The following BBS9 variants were observed in gnomAD, a reference collection of about 807,000 sequenced individuals.
BBS9 encodes the protein protein PTHB1.
A neutral mutation model predicts 117.7 loss-of-function variants in BBS9; 89 were observed. That is an observed-to-expected ratio of 0.76 (90% CI 0.64 to 0.90). BBS9 has a LOEUF of 0.90. BBS9 is among the 40% of genes least tolerant of loss of function. BBS9 has a pLI of 0.00. For synonymous variants in BBS9, 379 were observed against 370.9 expected, an observed-to-expected ratio of 1.02 and a Z score of -0.25; for missense variants, 982 against 1,042.2, an observed-to-expected ratio of 0.94 and a Z score of 0.80.
intron 19 of BBS9, among the ~76,000 whole-genome samples, chr7:33,395,656 A>T (rs1584643716): frequency 6.6e-6 from 1 of 152,188 alleles, no homozygotes; most frequent in African/African-American, 2.4e-5. Flanking sequence ...TTAAATAGAG[A>T]TCCTGTGGTT....
At chr7:33,529,036 C>T (rs958724703) in intron 20 of BBS9, among the ~76,000 whole-genome samples, 6 of 152,188 alleles carry the variant, frequency 3.9e-5, no homozygotes, top group Admixed American at 3.9e-4. Context: ...AGCTGTGGCT[C>T]TCTGGTCTCT....
At chr7:33,487,915 A>G (rs1237934315) in intron 19 of BBS9, among the ~76,000 whole-genome samples, 1 of 152,220 alleles carries the variant, frequency 6.6e-6, no homozygotes, top group Non-Finnish European at 1.5e-5. Flanking sequence ...TAGCCTCTTA[A>G]TCACAGGGAA....
intron 10 of BBS9, 97 bp from the exon 11 acceptor site, chr7:33,340,800 T>A (rs1816355278): frequency 1.0e-6 from 1 of 959,332 alleles, no homozygotes; most frequent in East Asian, 2.7e-5. Flanking sequence ...GTTTATGGGG[T>A]TTTTTTTATA....
At chr7:33,351,945 T>A (rs988448472) in intron 14 of BBS9, 1 of 155,452 alleles carries the variant, frequency 6.4e-6, no homozygotes, top group Non-Finnish European at 1.4e-5. Flanking sequence ...AAAGAATCAA[T>A]TGGGAAAGGG....
rs1009094609 is a variant in BBS9, at chr7:33,318,188, C to T, written c.1017-18253C>T. Among the ~76,000 whole-genome samples the T allele has an allele frequency of 4.6e-5, 7 of 152,314 alleles. No homozygotes were observed. The South Asian group carries it at 1.0e-3, about 23-fold the overall frequency. On this transcript the variant is annotated intron_variant, in intron 9 of 22. Coordinates refer to ENST00000242067, the MANE Select transcript of BBS9 (RefSeq NM_198428.3). ...ACCACCTTTAATGGAGTCTAAAGAG[C>T]CTGAATAATTTAACCTTTTGTGATT...
At chr7:33,136,843 G>A (rs1191140979) in intron 1 of BBS9, among the ~76,000 whole-genome samples, 1 of 152,152 alleles carries the variant, frequency 6.6e-6, no homozygotes, top group Non-Finnish European at 1.5e-5. Flanking sequence ...AATGAGGTGG[G>A]AAGTATCCTC....
chr7:33,207,048 A>C (rs1787063432), intron 5 of BBS9, among the ~76,000 whole-genome samples: 1 of 152,152 alleles, frequency 6.6e-6, no homozygotes, highest in Non-Finnish European at 1.5e-5. Context: ...CCTGTCAAGA[A>C]TAGGTGATAT....
intron 1 of BBS9, among the ~76,000 whole-genome samples, chr7:33,145,537 A>G (rs142741869): frequency 1.3e-3 from 196 of 152,266 alleles, no homozygotes; most frequent in African/African-American, 4.3e-3. Flanking sequence ...TTGCCTTTCT[A>G]TAACTAACAT....
At chr7:33,208,193 TATTC>T (rs1253632653) in intron 5 of BBS9, among the ~76,000 whole-genome samples, 10 of 152,332 alleles carry the variant, frequency 6.6e-5, no homozygotes, top group African/African-American at 2.2e-4. Context: ...TGCCATCCCC[TATTC>T]AGTATTTATA....
At chr7:33,307,409 A>G (rs184143647) in intron 9 of BBS9, among the ~76,000 whole-genome samples, 1 of 152,228 alleles carries the variant, frequency 6.6e-6, no homozygotes, top group African/African-American at 2.4e-5. Context: ...AGAATTTCAA[A>G]AAAGTTTCTT....
chr7:33,565,927 A>C (rs1156716075), intron 21 of BBS9, among the ~76,000 whole-genome samples: 1 of 147,832 alleles, frequency 6.8e-6, no homozygotes, highest in East Asian at 2.0e-4. Context: ...TTATACAGGT[A>C]CAAGGTGAGA....
At chr7:33,264,783 C>A (rs1193335307) in intron 7 of BBS9, among the ~76,000 whole-genome samples, 1 of 152,054 alleles carries the variant, frequency 6.6e-6, no homozygotes, top group Non-Finnish European at 1.5e-5. Context: ...ATAATGTGTA[C>A]TTTTCTTTCT....
At chr7:33,180,648 C>T (rs943203427) in intron 5 of BBS9, among the ~76,000 whole-genome samples, 2 of 152,224 alleles carry the variant, frequency 1.3e-5, no homozygotes, top group East Asian at 1.9e-4. Context: ...AGCCACTGCA[C>T]CTGGCCGAGA....
chr7:33,581,070 GTATTTT>G, intron 21 of BBS9, among the ~76,000 whole-genome samples: 1 of 146,054 alleles, frequency 6.8e-6, no homozygotes, highest in Non-Finnish European at 1.5e-5. Flanking sequence ...TATTTTGTGT[GTATTTT>G]TGTGTGTGTG....
At chr7:33,274,894 C>T (rs1316909029) in intron 9 of BBS9, among the ~76,000 whole-genome samples, 1 of 149,196 alleles carries the variant, frequency 6.7e-6, no homozygotes, top group Non-Finnish European at 1.5e-5. Flanking sequence ...GCTTGGGAGG[C>T]TGAGGCAGGA....
chr7:33,524,882 A>T (rs1450036445), intron 20 of BBS9, among the ~76,000 whole-genome samples: 1 of 152,184 alleles, frequency 6.6e-6, no homozygotes, highest in East Asian at 1.9e-4. Context: ...TCTTGTGGGC[A>T]TTTAGTGCTA....
chr7:33,594,021 A>G (rs1862333446), intron 21 of BBS9, among the ~76,000 whole-genome samples: 1 of 152,154 alleles, frequency 6.6e-6, no homozygotes, highest in South Asian at 2.1e-4. Context: ...GACACCTATC[A>G]TTATTCAAGT....
intron 1 of BBS9, among the ~76,000 whole-genome samples, chr7:33,143,009 G>T (rs555306338): frequency 6.6e-6 from 1 of 151,262 alleles, no homozygotes; most frequent in Non-Finnish European, 1.5e-5. Flanking sequence ...TCGCTCTGTC[G>T]CCCAGGCAGG....
chr7:33,146,436 G>A (rs1324277842), intron 2 of BBS9, 72 bp downstream of exon 2: 15 of 1,238,078 alleles, frequency 1.2e-5, no homozygotes, highest in East Asian at 9.4e-5. Flanking sequence ...CACGGTGGCC[G>A]ACTGCTGTAA....
Sources: gnomAD v4.1 joint callset for allele counts (sites outside exome capture counted in the v4.1 genomes callset) on GRCh38, gnomAD v4.1.1 for gene constraint, MANE v1.5 for transcripts, NCBI Gene and HGNC (gene_info 2026-07-23, HGNC 2026-07-21) for gene names.